KCTD6: variants seen among roughly 807,000 people sequenced by gnomAD.
KCTD6 encodes potassium channel tetramerization domain containing 6.
In KCTD6, 6 loss-of-function variants were observed where a neutral mutation model predicts 18.7. The observed-to-expected ratio is 0.32, with a 90% CI of 0.18 to 0.63. The LOEUF (loss-of-function observed/expected upper bound fraction) is 0.63, where lower values mean the gene tolerates loss of function less well. Among genes scored for constraint, KCTD6 ranks in the 30% least tolerant of loss-of-function variants. The pLI is 0.79. For missense variants in KCTD6, 165 were observed against 300.2 expected, an observed-to-expected ratio of 0.55 and a Z score of 3.33; for synonymous variants, 86 against 108.5, an observed-to-expected ratio of 0.79 and a Z score of 1.29.
intron 1 of KCTD6, among the ~76,000 whole-genome samples, chr3:58,495,190 A>G (rs1464298964): frequency 6.6e-6 from 1 of 152,194 alleles, no homozygotes. Flanking sequence ...CTTTGCTTTC[A>G]TCAAGTAAAA....
rs1262113417 is a variant in KCTD6 at position 58,501,226 on chromosome 3, A to G, written c.308A>G (p.Gln103Arg). The change falls in exon 3 of 3, where the codon CAG becomes CGG. Residue 103 changes from glutamine to arginine, a missense_variant. Gln to Arg is a conservative substitution (Grantham distance 43, BLOSUM62 1). Coordinates refer to ENST00000404589, the MANE Select transcript of KCTD6 (RefSeq NM_001128214.2). The surrounding 1 kb of genome is among the most constrained non-coding windows in gnomAD (Gnocchi z 9.7). ...ADFYQIEPLIQCLNDPKPLYP... is the reference protein window; with the variant it reads ...ADFYQIEPLIRCLNDPKPLYP... Reference sequence around the variant, plus strand: ...TTTTACCAGATTGAGCCCTTGATTCAGTGTCTCAATGATCCTAAGCCTTTG... The same window carrying G: ...TTTTACCAGATTGAGCCCTTGATTCGGTGTCTCAATGATCCTAAGCCTTTG... The G allele has an allele frequency of 2.5e-6, 4 of 1,614,194 alleles. No homozygotes were observed. The highest frequency in any genetic ancestry group is 3.4e-6 in the Non-Finnish European group (4 of 1,180,032).
rs574033401 is a variant in KCTD6, at chr3:58,493,757, G to A, written c.-44+1588G>A. ...TTAACCTAGAAATTTTGTTTATGCT[G>A]CTGCCACTAATGTTTTCACATTTGT... On this transcript the variant is annotated intron_variant, in intron 1 of 2. Transcript: ENST00000404589. This position sits in a 1 kb window ranked among gnomAD's most constrained non-coding sequence, Gnocchi z 4.5. 1.1e-4 allele frequency among the ~76,000 whole-genome samples: 17 copies of A among 152,162 alleles called. No homozygotes were observed. Among genetic ancestry groups the A allele is most frequent in the Admixed American group, 4.6e-4 (7 of 15,278 alleles).
rs59725365 is a variant in KCTD6 at position 58,496,671 on chromosome 3, T to C, written c.-43-2042T>C. On this transcript the variant is annotated intron_variant, in intron 1 of 2. Transcript: ENST00000404589. The surrounding 1 kb of genome is among the most constrained non-coding windows in gnomAD (Gnocchi z 5.1). ...TCACGGGCCTCTGCTGGTCCATCTG[T>C]TATACAGCACTTTGAATTCTGTTCT... is the stretch of plus-strand genomic sequence containing the variant. Among the ~76,000 whole-genome samples, 1,543 of 152,340 alleles carry C rather than the reference T, an allele frequency of 0.01. 32 individuals are homozygous for C. Among genetic ancestry groups the C allele is most frequent in the African/African-American group, 0.035 (1,466 of 41,574 alleles).
chr3:58,494,101 G>T (rs1389783157), intron 1 of KCTD6: 1 of 152,172 alleles, frequency 6.6e-6, no homozygotes, highest in African/African-American at 2.4e-5. Context: ...GACTATTTGT[G>T]ACAGCTTTTT....
intron 2 of KCTD6, among the ~76,000 whole-genome samples, chr3:58,500,098 A>G (rs1576980140): frequency 6.6e-6 from 1 of 151,836 alleles, no homozygotes; most frequent in Non-Finnish European, 1.5e-5. Flanking sequence ...AGGTCTGCAC[A>G]GTTTTTAATT....
At chr3:58,494,571 A>G (rs2063167958) in intron 1 of KCTD6, among the ~76,000 whole-genome samples, 1 of 152,202 alleles carries the variant, frequency 6.6e-6, no homozygotes, top group Non-Finnish European at 1.5e-5. Flanking sequence ...ATAGGTAGTT[A>G]TATAGGATTA....
chr3:58,495,201 T>C (rs1350926486), intron 1 of KCTD6, among the ~76,000 whole-genome samples: 1 of 152,310 alleles, frequency 6.6e-6, no homozygotes, highest in African/African-American at 2.4e-5. Flanking sequence ...TCAAGTAAAA[T>C]AGGCCTATTT....
At position 58,496,936 on chromosome 3, in the gene KCTD6, T is replaced by C. The variant is rs1414258072; in HGVS notation, c.-43-1777T>C. ...ACCAGAACTTTTGGATGAGTGGCCT[T>C]TTAAATTGCTCAGTTACTAATCTGT... On this transcript the variant is annotated intron_variant, in intron 1 of 2. Coordinates refer to ENST00000404589, the MANE Select transcript of KCTD6 (RefSeq NM_001128214.2). This position sits in a 1 kb window ranked among gnomAD's most constrained non-coding sequence, Gnocchi z 5.1. 3.3e-5 allele frequency among the ~76,000 whole-genome samples: 5 copies of C among 152,222 alleles called. No individual in the cohort carries two copies. In the East Asian group the frequency reaches 9.6e-4, roughly 29 times the overall value.
chr3:58,500,810 T>A lies in KCTD6; in HGVS notation c.28-136T>A, dbSNP rs372612398. ...GGTTTATTGCTGGTAGTAAAGTCAT[T>A]TTGCATTAGAGGATTACTAAATACA... On this transcript the variant is annotated intron_variant, in intron 2 of 2. Transcript: ENST00000404589. 1.9e-5 allele frequency: 10 copies of A among 538,830 alleles called. No homozygotes were observed. In the East Asian group the frequency reaches 2.2e-4, roughly 12 times the overall value. 33.4% of individuals were successfully genotyped at this position (538,830 alleles called of 1,614,324 possible). A position where few individuals can be genotyped will look rare whatever the true frequency, so the allele number is the denominator to read the frequency against.
At position 58,501,019 on chromosome 3, in the gene KCTD6, C is replaced by T. The variant is rs758361938; in HGVS notation, c.101C>T (p.Pro34Leu). 6 of 1,613,668 alleles carry T rather than the reference C, an allele frequency of 3.7e-6. No individual in the cohort carries two copies. Among genetic ancestry groups the T allele is most frequent in the South Asian group, 1.1e-5 (1 of 91,016 alleles). Residue 34 changes from proline to leucine, a missense_variant, in exon 3 of 3, where the codon CCG becomes CTG. Physicochemically the swap from Pro to Leu is moderately conservative, Grantham distance 98. Coordinates refer to ENST00000404589, the MANE Select transcript of KCTD6 (RefSeq NM_001128214.2). The surrounding 1 kb of genome is among the most constrained non-coding windows in gnomAD (Gnocchi z 9.7). ...TTSLTTLTRY[P>L]DSMLGAMFGG... ...TCTCTCACCACATTGACGCGTTACC[C>T]GGATTCCATGCTTGGAGCTATGTTT...
chr3:58,495,144 C>A (rs2063170078), intron 1 of KCTD6, among the ~76,000 whole-genome samples: 1 of 152,140 alleles, frequency 6.6e-6, no homozygotes. Flanking sequence ...TTTATTGTTA[C>A]CATTCCTGGT....
chr3:58,501,006 T>C lies in KCTD6; in HGVS notation c.88T>C (p.Leu30=). 1 of 1,613,258 alleles carries C rather than the reference T, an allele frequency of 6.2e-7. No individual in the cohort carries two copies. Among genetic ancestry groups the C allele is most frequent in the Non-Finnish European group, 8.5e-7 (1 of 1,179,680 alleles). The change falls in exon 3 of 3, where the codon TTG becomes CTG. Residue 30 remains leucine, a synonymous_variant. Coordinates refer to ENST00000404589, the MANE Select transcript of KCTD6 (RefSeq NM_001128214.2). The surrounding 1 kb of genome is among the most constrained non-coding windows in gnomAD (Gnocchi z 9.7). ...CTTGTATACAACGTCTCTCACCACA[T>C]TGACGCGTTACCCGGATTCCATGCT... ...GHLYTTSLTT[L]TRYPDSMLGA...
rs887312136 is a variant in KCTD6, at chr3:58,501,717, AT to A, written c.*93del. 3.6e-5 allele frequency: 35 copies of A among 966,936 alleles called. No individual in the cohort carries two copies. Among genetic ancestry groups the A allele is most frequent in the Non-Finnish European group, 4.5e-5 (33 of 731,010 alleles). The allele number at this position is 966,936 out of a possible 1,614,324, so 59.9% of individuals were successfully genotyped here. A position where few individuals can be genotyped will look rare whatever the true frequency, so the allele number is the denominator to read the frequency against. On this transcript the variant is annotated 3_prime_UTR_variant, in exon 3 of 3. Coordinates refer to ENST00000404589, the MANE Select transcript of KCTD6 (RefSeq NM_001128214.2). This position sits in a 1 kb window ranked among gnomAD's most constrained non-coding sequence, Gnocchi z 9.7. The stretch of plus-strand genomic sequence containing the variant: ...TTTTTTTTAAATCACAGTGTGAGAT[AT>A]TTTTTTTCTTTTAAATAGTTGTATT...
rs772108821 is a variant in KCTD6, at chr3:58,498,990, T to C, written c.27+208T>C. On this transcript the variant is annotated intron_variant, in intron 2 of 2. Coordinates refer to ENST00000404589, the MANE Select transcript of KCTD6 (RefSeq NM_001128214.2). This position sits in a 1 kb window ranked among gnomAD's most constrained non-coding sequence, Gnocchi z 4.6. ...TTAAATTTTTATTTAATTTTTTTTA[T>C]GTGGAGTCTCGCCTTCTTGCCCAGG... Among the ~76,000 whole-genome samples, 2 of 152,180 alleles carry C rather than the reference T, an allele frequency of 1.3e-5. No homozygotes were observed. Among genetic ancestry groups the C allele is most frequent in the Non-Finnish European group, 2.9e-5 (2 of 68,044 alleles).
At position 58,501,158 on chromosome 3, in the gene KCTD6, G is replaced by T. The variant is rs189292002; in HGVS notation, c.240G>T (p.Pro80=). 3 of 1,614,022 alleles carry T rather than the reference G, an allele frequency of 1.9e-6. No individual in the cohort carries two copies. The highest frequency in any genetic ancestry group is 1.1e-5 in the South Asian group (1 of 91,060). ...NFLRTSELTL[P]LDFKEFDLLR... ...TAAGAACTTCAGAATTGACCTTACC[G>T]TTGGATTTTAAGGAATTTGATCTGC... Residue 80 remains proline (P), a synonymous_variant, in exon 3 of 3, where the codon CCG becomes CCT. Coordinates refer to ENST00000404589, the MANE Select transcript of KCTD6 (RefSeq NM_001128214.2). The surrounding 1 kb of genome is among the most constrained non-coding windows in gnomAD (Gnocchi z 9.7).
Position 58,502,316 on chromosome 3 carries a change from A to G in KCTD6, c.*684A>G, listed in dbSNP as rs901901477. 2 of 133,630 alleles carry G rather than the reference A, an allele frequency of 1.5e-5. No homozygotes were observed. Among genetic ancestry groups the G allele is most frequent in the Non-Finnish European group, 3.4e-5 (2 of 58,888 alleles). 8.3% of individuals were successfully genotyped at this position (133,630 alleles called of 1,614,324 possible). A position where few individuals can be genotyped will look rare whatever the true frequency, so the allele number is the denominator to read the frequency against. On this transcript the variant is annotated 3_prime_UTR_variant, in exon 3 of 3. Coordinates refer to ENST00000404589, the MANE Select transcript of KCTD6 (RefSeq NM_001128214.2). ...ATAATTCCCAAGTGTACTGTCTACC[A>G]GAAAAAAAAAACAAAACTAATAAAA...
At position 58,492,603 on chromosome 3, in the gene KCTD6, C is replaced by T. The variant is rs111665653; in HGVS notation, c.-44+434C>T. Among the ~76,000 whole-genome samples the T allele has an allele frequency of 9.2e-5, 14 of 152,160 alleles. No individual in the cohort carries two copies. Among genetic ancestry groups the T allele is most frequent in the African/African-American group, 3.4e-4 (14 of 41,438 alleles). On this transcript the variant is annotated intron_variant, in intron 1 of 2. Coordinates refer to ENST00000404589, the MANE Select transcript of KCTD6 (RefSeq NM_001128214.2). The surrounding 1 kb of genome is among the most constrained non-coding windows in gnomAD (Gnocchi z 6.1). ...GTTTTTGGGAGATGGCGCTTATTAGCCACCAATTGCCCTAGTTTAAAGCTT... is the reference window on the plus strand; with the variant it reads ...GTTTTTGGGAGATGGCGCTTATTAGTCACCAATTGCCCTAGTTTAAAGCTT...
rs779042947 is a variant in KCTD6 at position 58,501,010 on chromosome 3, C to T, written c.92C>T (p.Thr31Met). 1.9e-5 allele frequency: 31 copies of T among 1,612,988 alleles called. No homozygotes were observed. Among genetic ancestry groups the T allele is most frequent in the South Asian group, 5.5e-5 (5 of 90,850 alleles). The change falls in exon 3 of 3, where the codon ACG becomes ATG. Residue 31 changes from threonine (T) to methionine (M), a missense_variant. Coordinates refer to ENST00000404589, the MANE Select transcript of KCTD6 (RefSeq NM_001128214.2). The surrounding 1 kb of genome is among the most constrained non-coding windows in gnomAD (Gnocchi z 9.7). Reference protein sequence around the residue: ...HLYTTSLTTLTRYPDSMLGAM... With the variant: ...HLYTTSLTTLMRYPDSMLGAM... ...TATACAACGTCTCTCACCACATTGACGCGTTACCCGGATTCCATGCTTGGA... is the reference window on the plus strand; with the variant it reads ...TATACAACGTCTCTCACCACATTGATGCGTTACCCGGATTCCATGCTTGGA...
At chr3:58,494,942 T>A (rs2063169362) in intron 1 of KCTD6, among the ~76,000 whole-genome samples, 1 of 152,248 alleles carries the variant, frequency 6.6e-6, no homozygotes, top group Non-Finnish European at 1.5e-5. Flanking sequence ...TGCTTTATAT[T>A]CTTTGGGGAG....
Sources: allele counts gnomAD v4.1 joint callset (sites outside exome capture counted in the v4.1 genomes callset), GRCh38; gene constraint gnomAD v4.1.1; non-coding constraint Gnocchi (gnomAD v3.1); transcripts MANE v1.5; gene names NCBI Gene and HGNC (gene_info 2026-07-23, HGNC 2026-07-21).